The following NXPE4 variants were observed in gnomAD, a reference collection of about 807,000 sequenced individuals.
NXPE4 encodes the protein NXPE family member 4.
Under a neutral mutation model 33.3 loss-of-function variants are expected in NXPE4, and 42 were observed. The ratio of observed to expected loss-of-function variants is 1.26; its 90% CI spans 0.98 to 1.63. The LOEUF is 1.63. NXPE4 is among the 40% of genes most tolerant of loss of function. The pLI is 0.00. For synonymous variants in NXPE4, 253 were observed against 234.9 expected (o/e 1.08, Z -0.71); for missense variants, 709 against 647.6 (o/e 1.09, Z -1.03).
At chr11:114,678,082 A>T in the NXPE4 span, among the ~76,000 whole-genome samples, 1 of 152,100 alleles carries the variant, frequency 6.6e-6, no homozygotes, top group African/African-American at 2.4e-5. Context: ...AGCAAGAGAA[A>T]GTTTACAAAG....
At chr11:114,654,587 C>T in the NXPE4 span, among the ~76,000 whole-genome samples, 2 of 152,062 alleles carry the variant, frequency 1.3e-5, no homozygotes, top group Non-Finnish European at 2.9e-5. Context: ...GCCCTCTGTT[C>T]CTGTGTTAGT....
At chr11:114,573,116 T>G (rs184248228) in intron 5 of NXPE4, among the ~76,000 whole-genome samples, 8 of 152,214 alleles carry the variant, frequency 5.3e-5, no homozygotes, top group African/African-American at 1.9e-4. Context: ...AAAACTAAGC[T>G]TCGTAAATGA....
At chr11:114,634,467 G>A in the NXPE4 span, among the ~76,000 whole-genome samples, 7 of 151,912 alleles carry the variant, frequency 4.6e-5, no homozygotes, top group East Asian at 1.9e-4. Context: ...CTTTAGTTTA[G>A]TTAGATCCCA....
At chr11:114,627,099 G>A in the NXPE4 span, among the ~76,000 whole-genome samples, 1 of 152,002 alleles carries the variant, frequency 6.6e-6, no homozygotes, top group South Asian at 2.1e-4. Flanking sequence ...CACTCTGCAG[G>A]ATATTATCCA....
intron 2 of NXPE4, among the ~76,000 whole-genome samples, chr11:114,592,912 A>G (rs1256232334): frequency 6.6e-6 from 1 of 152,172 alleles, no homozygotes; most frequent in Non-Finnish European, 1.5e-5. Context: ...GTCATCAAAA[A>G]CATACAATGG....
chr11:114,638,617 G>C, the NXPE4 span, among the ~76,000 whole-genome samples: 1 of 152,140 alleles, frequency 6.6e-6, no homozygotes, highest in African/African-American at 2.4e-5. Context: ...TGTCTTTGAT[G>C]ATGGTGATGT....
chr11:114,665,307 A>C, the NXPE4 span, among the ~76,000 whole-genome samples: 16 of 152,212 alleles, frequency 1.1e-4, no homozygotes, highest in East Asian at 3.1e-3. Context: ...CAATCTCTCT[A>C]ATTAGAATGT....
the NXPE4 span, among the ~76,000 whole-genome samples, chr11:114,673,510 C>G: frequency 1.3e-5 from 2 of 151,378 alleles, no homozygotes; most frequent in African/African-American, 4.8e-5. Context: ...AAAAACAGGA[C>G]AGAAAAATCA....
the NXPE4 span, among the ~76,000 whole-genome samples, chr11:114,606,653 T>C: frequency 0.67 from 101,896 of 151,374 alleles, 34,483 homozygotes; most frequent in African/African-American, 0.76. Context: ...CCAGTGTTAC[T>C]CGGTGGATAG....
At chr11:114,580,079 T>G in intron 5 of NXPE4, 53 bp downstream of exon 5, 1 of 1,437,790 alleles carries the variant, frequency 7.0e-7, no homozygotes, top group Non-Finnish European at 9.8e-7. Context: ...CCCTTTGAAA[T>G]GGAAAAGAAG....
At chr11:114,632,715 ATATAT>A in the NXPE4 span, among the ~76,000 whole-genome samples, 1 of 74,442 alleles carries the variant, frequency 1.3e-5, no homozygotes, top group Non-Finnish European at 2.3e-5. Context: ...ATATAATATA[ATATAT>A]ATAATATATA....
intron 2 of NXPE4, among the ~76,000 whole-genome samples, chr11:114,590,842 G>A (rs1050513326): frequency 6.6e-6 from 1 of 152,188 alleles, no homozygotes; most frequent in Non-Finnish European, 1.5e-5. Flanking sequence ...CCCACACAAT[G>A]TAGCAGGATT....
chr11:114,639,474 C>G, the NXPE4 span, among the ~76,000 whole-genome samples: 3 of 151,566 alleles, frequency 2.0e-5, no homozygotes, highest in African/African-American at 7.3e-5. Context: ...GCTGCCCCCA[C>G]TGTCCTGTGC....
chr11:114,636,286 AT>A, the NXPE4 span, among the ~76,000 whole-genome samples: 3 of 151,942 alleles, frequency 2.0e-5, no homozygotes, highest in Non-Finnish European at 4.4e-5. Flanking sequence ...GGTAGTTTGT[AT>A]TTCTGTGAGA....
At chr11:114,574,393 T>C (rs1014151842) in intron 5 of NXPE4, among the ~76,000 whole-genome samples, 2 of 151,078 alleles carry the variant, frequency 1.3e-5, no homozygotes, top group African/African-American at 4.9e-5. Flanking sequence ...ACAAAAGTAA[T>C]ACAAAAATAA....
the NXPE4 span, among the ~76,000 whole-genome samples, chr11:114,642,758 T>C: frequency 3.9e-5 from 6 of 152,130 alleles, no homozygotes; most frequent in African/African-American, 9.7e-5. Flanking sequence ...GAATGGTTTA[T>C]ATTCCTTTGG....
chr11:114,621,071 AC>A, the NXPE4 span, among the ~76,000 whole-genome samples: 1 of 152,152 alleles, frequency 6.6e-6, no homozygotes, highest in Non-Finnish European at 1.5e-5. Context: ...AACCACTATT[AC>A]CCCGTGGATA....
the NXPE4 span, among the ~76,000 whole-genome samples, chr11:114,622,644 C>T: frequency 7.2e-5 from 11 of 151,940 alleles, no homozygotes; most frequent in East Asian, 1.9e-4. Context: ...AGTGTTGCCT[C>T]GTGGGTAACC....
chr11:114,581,750 A>T lies in NXPE4; in HGVS notation c.867T>A (p.Asn289Lys), dbSNP rs769815002. ...TGTTGCATTTGGAGACACTAATTGT[A>T]TTGAATTTTTCCATAATCTCTACAC... The part of the protein sequence containing the change: ...NVGVEIMEKF[N>K]TISVSKCNKE... The change falls in exon 4 of 6, where the codon AAT (asparagine) becomes AAA (lysine). Residue 289 changes from asparagine to lysine, a missense_variant. Physicochemically the swap from Asn to Lys is moderately conservative, Grantham distance 94. Transcript: ENST00000375478. The T allele has an allele frequency of 1.2e-6, 2 of 1,612,070 alleles. No homozygotes were observed. Among genetic ancestry groups the T allele is most frequent in the Admixed American group, 1.7e-5 (1 of 59,648 alleles).
Sources: allele counts gnomAD v4.1 joint callset (sites outside exome capture counted in the v4.1 genomes callset), GRCh38; gene constraint gnomAD v4.1.1; transcripts MANE v1.5; gene names NCBI Gene and HGNC (gene_info 2026-07-23, HGNC 2026-07-21).